MSH6: variants seen among roughly 807,000 people sequenced by gnomAD.
MSH6 encodes DNA mismatch repair protein Msh6.
A neutral mutation model predicts 119.1 loss-of-function variants in MSH6; 85 were observed. The ratio of observed to expected loss-of-function variants is 0.71; its 90% CI spans 0.60 to 0.85. MSH6 has a LOEUF of 0.85. Ranked by LOEUF, MSH6 falls within the 40% of genes least tolerant of loss-of-function variation. MSH6 has a pLI of 0.00. For synonymous variants in MSH6, 830 were observed against 586.9 expected, an observed-to-expected ratio of 1.41 and a Z score of -5.99; for missense variants, 2,163 against 1,655.3, an observed-to-expected ratio of 1.31 and a Z score of -5.32.
chr2:47,791,960 C>T (rs939534121), intron 2 of MSH6, among the ~76,000 whole-genome samples: 4 of 152,114 alleles, frequency 2.6e-5, no homozygotes, highest in Non-Finnish European at 4.4e-5. Flanking sequence ...GATTCTCCTT[C>T]CTCAGCCTCT....
In MSH6 at chr2:47,806,498, T is replaced by C. The variant is rs1180903149; in HGVS notation, c.3848T>C (p.Ile1283Thr). The C allele has an allele frequency of 6.2e-7, 1 of 1,614,098 alleles. No individual in the cohort carries two copies. The highest frequency in any genetic ancestry group is 8.5e-7 in the Non-Finnish European group (1 of 1,179,990). Reference sequence around the variant, plus strand: ...TGTGAAGACCCCAGCCAGGAGACTATTACGTTCCTCTATAAATTCATTAAG... The same window carrying C: ...TGTGAAGACCCCAGCCAGGAGACTACTACGTTCCTCTATAAATTCATTAAG... The part of the protein sequence containing the change: ...NECEDPSQET[I>T]TFLYKFIKGA... Residue 1283 changes from isoleucine (I) to threonine (T), a missense_variant, in exon 9 of 10, where the codon ATT becomes ACT. Ile to Thr is a moderately conservative substitution (Grantham distance 89). Transcript: ENST00000234420.
rs1466237949 is a variant in MSH6 at position 47,805,826 on chromosome 2, G to A, written c.3646+119G>A. 1.4e-5 allele frequency: 12 copies of A among 838,580 alleles called. No individual in the cohort carries two copies. In the East Asian group the frequency reaches 1.5e-4, roughly 11 times the overall value. 51.9% of individuals were successfully genotyped at this position (838,580 alleles called of 1,614,324 possible). ...AACAATATGAATGTTTTTAGAGCAC[G>A]CACTCACCATTGTGGCACAGACCGA... On this transcript the variant is annotated intron_variant, in intron 7 of 9. Coordinates refer to ENST00000234420, the MANE Select transcript of MSH6 (RefSeq NM_000179.3).
chr2:47,810,074 T>C (rs1161638272), downstream of MSH6: 6 of 503,106 alleles, frequency 1.2e-5, no homozygotes, highest in Admixed American at 1.1e-4. Context: ...GCATTTATTC[T>C]ATCCCAATAA....
chr2:47,806,100 A>G, intron 7 of MSH6, 104 bp from the exon 8 acceptor site: 1 of 1,090,196 alleles, frequency 9.2e-7, no homozygotes, highest in Non-Finnish European at 1.4e-6. Context: ...TTAGACGTGG[A>G]TGTACTAACC....
intron 1 of MSH6, among the ~76,000 whole-genome samples, chr2:47,787,392 G>A (rs1400611701): frequency 6.6e-6 from 1 of 152,168 alleles, no homozygotes; most frequent in African/African-American, 2.4e-5. Flanking sequence ...CAAAAATAAT[G>A]TGATTTTAAA....
Position 47,800,652 on chromosome 2 carries a change from T to C in MSH6, c.2669T>C (p.Val890Ala), listed in dbSNP as rs1114167741. The C allele has an allele frequency of 6.2e-7, 1 of 1,614,192 alleles. No individual in the cohort carries two copies. The highest frequency in any genetic ancestry group is 2.2e-5 in the East Asian group (1 of 44,886). ...DGFKSKILKQ[V>A]ISLQTKNPEG... ...TTTAAGTCTAAAATCCTTAAGCAGG[T>C]CATCTCTCTGCAGACAAAAAATCCT... Residue 890 changes from valine (V) to alanine (A), a missense_variant, in exon 4 of 10, where the codon GTC (valine) becomes GCC (alanine). By Grantham distance (64) the Val-to-Ala change is moderately conservative. Coordinates refer to ENST00000234420, the MANE Select transcript of MSH6 (RefSeq NM_000179.3).
intron 2 of MSH6, among the ~76,000 whole-genome samples, chr2:47,792,840 T>C (rs974895457): frequency 3.2e-4 from 47 of 146,066 alleles, no homozygotes; most frequent in African/African-American, 1.2e-3. Context: ...GGCTAATTTT[T>C]ATATAGTTTT....
chr2:47,805,019 T>A lies in MSH6; in HGVS notation c.3548T>A (p.Ile1183Lys), dbSNP rs1459635476. 6.2e-7 allele frequency: 1 copy of A among 1,610,064 alleles called. No homozygotes were observed. The highest frequency in any genetic ancestry group is 2.2e-5 in the East Asian group (1 of 44,874). Residue 1183 changes from isoleucine to lysine, a missense_variant, in exon 6 of 10, where the codon ATA becomes AAA. Ile to Lys is a moderately radical substitution (Grantham distance 102, BLOSUM62 -3). Transcript: ENST00000234420. ...ACTAGACTTGGTGCCTCAGACAGAA[T>A]AATGTCAGGTGAGTTTTTTGTTTCC... ...VFTRLGASDR[I>K]MSGESTFFVE...
intron 3 of MSH6, 81 bp downstream of exon 3, chr2:47,796,144 CTTGTTTTATA>C: frequency 7.1e-7 from 1 of 1,415,512 alleles, no homozygotes; most frequent in South Asian, 1.2e-5. Context: ...AACAAGATAC[CTTGTTTTATA>C]TATGTGTGTG....
At chr2:47,805,848 C>T (rs1275107250) in intron 7 of MSH6, 141 bp downstream of exon 7, 1 of 745,880 alleles carries the variant, frequency 1.3e-6, no homozygotes, top group African/African-American at 1.8e-5. Context: ...GTGGCACAGA[C>T]CGATAGTTGG....
In MSH6 at chr2:47,795,923, G is replaced by A. The variant is rs776065389; in HGVS notation, c.487G>A (p.Gly163Ser). The A allele has an allele frequency of 1.9e-6, 3 of 1,614,020 alleles. No individual in the cohort carries two copies. Among genetic ancestry groups the A allele is most frequent in the African/African-American group, 2.7e-5 (2 of 74,920 alleles). ...AAAATCAAAGGAAGCCCAGAAGGGA[G>A]GTCATTTTTACAGTGCAAAGCCTGA... ...GSKSKEAQKG[G>S]HFYSAKPEIL... Residue 163 changes from glycine (G) to serine (S), a missense_variant, in exon 3 of 10, where the codon GGT becomes AGT. By Grantham distance (56) the Gly-to-Ser change is moderately conservative. Coordinates refer to ENST00000234420, the MANE Select transcript of MSH6 (RefSeq NM_000179.3).
Position 47,783,210 on chromosome 2 carries a change from G to A in MSH6, c.-24G>A, listed in dbSNP as rs876661137. ...TTTTAGGAGCTCCGTCCGACAGAAC[G>A]GTTGGGCCTTGCCGGCTGTCGGTAT... On this transcript the variant is annotated 5_prime_UTR_variant, in exon 1 of 10. Coordinates refer to ENST00000234420, the MANE Select transcript of MSH6 (RefSeq NM_000179.3). 3.1e-6 allele frequency: 5 copies of A among 1,610,842 alleles called. No homozygotes were observed. In the African/African-American group the frequency reaches 5.4e-5, roughly 17 times the overall value.
chr2:47,805,242 A>G (rs559822485), intron 6 of MSH6, among the ~76,000 whole-genome samples: 10 of 150,354 alleles, frequency 6.7e-5, no homozygotes, highest in Non-Finnish European at 8.8e-5. Context: ...GTGCAATGGC[A>G]CGATCTTGGC....
Position 47,801,059 on chromosome 2 carries a change from G to C in MSH6, c.3076G>C (p.Asp1026His), listed in dbSNP as rs267608054. ...ANLINAEERR[D>H]VSLKDCMRRL... ...TCTCATAAATGCTGAAGAACGGAGG[G>C]ATGTATCATTGAAGGACTGCATGCG... Residue 1026 changes from aspartate to histidine, a missense_variant, in exon 4 of 10, where the codon GAT becomes CAT. Physicochemically the swap from Asp to His is moderately conservative, Grantham distance 81. Coordinates refer to ENST00000234420, the MANE Select transcript of MSH6 (RefSeq NM_000179.3). The C allele has an allele frequency of 6.2e-7, 1 of 1,605,916 alleles. No homozygotes were observed. The highest frequency in any genetic ancestry group is 8.5e-7 in the Non-Finnish European group (1 of 1,176,002).
chr2:47,804,790 A>C, intron 5 of MSH6, 120 bp from the exon 6 acceptor site: 1 of 794,984 alleles, frequency 1.3e-6, no homozygotes, highest in Non-Finnish European at 2.3e-6. Flanking sequence ...ACCAACGTAC[A>C]TGTGATTGTG....
chr2:47,804,891 T>C lies in MSH6; in HGVS notation c.3439-19T>C, dbSNP rs746797647. 6.3e-7 allele frequency: 1 copy of C among 1,590,064 alleles called. No individual in the cohort carries two copies. The highest frequency in any genetic ancestry group is 8.6e-7 in the Non-Finnish European group (1 of 1,157,990). ...TGTTACTACCAGTCATAAAAGACCTTTTCCTCCCTCATTCACAGGCTGGCT... is the reference window on the plus strand; with the variant it reads ...TGTTACTACCAGTCATAAAAGACCTCTTCCTCCCTCATTCACAGGCTGGCT... On this transcript the variant is annotated intron_variant, in intron 5 of 9. Transcript: ENST00000234420.
Position 47,803,534 on chromosome 2 carries a change from A to C in MSH6, c.3287A>C (p.His1096Pro), listed in dbSNP as rs760861610. The change falls in exon 5 of 10, where the codon CAT becomes CCT. Residue 1096 changes from histidine to proline, a missense_variant. Transcript: ENST00000234420. ...PPFLELKGSR[H>P]PCITKTFFGD... ...TTCTTAGAGCTTAAAGGATCACGCCATCCTTGCATTACGAAGACTTTTTTT... is the reference window on the plus strand; with the variant it reads ...TTCTTAGAGCTTAAAGGATCACGCCCTCCTTGCATTACGAAGACTTTTTTT... 1 of 1,614,134 alleles carries C rather than the reference A, an allele frequency of 6.2e-7. No individual in the cohort carries two copies. Among genetic ancestry groups the C allele is most frequent in the Admixed American group, 1.7e-5 (1 of 60,018 alleles).
Position 47,803,456 on chromosome 2 carries a change from G to A in MSH6, c.3209G>A (p.Gly1070Asp), listed in dbSNP as rs751475855. The A allele has an allele frequency of 1.2e-6, 2 of 1,614,146 alleles. No homozygotes were observed. The part of the protein sequence containing the change: ...LLCLANYSRG[G>D]DGPMCRPVIL... Reference sequence around the variant, plus strand: ...TGCCTGGCTAACTATAGTCGAGGGGGTGATGGTCCTATGTGTCGCCCAGTA... The same window carrying A: ...TGCCTGGCTAACTATAGTCGAGGGGATGATGGTCCTATGTGTCGCCCAGTA... Residue 1070 changes from glycine to aspartate, a missense_variant, in exon 5 of 10, where the codon GGT (glycine) becomes GAT (aspartate). Coordinates refer to ENST00000234420, the MANE Select transcript of MSH6 (RefSeq NM_000179.3).
chr2:47,789,872 G>A (rs1218283420), intron 1 of MSH6, among the ~76,000 whole-genome samples: 1 of 151,798 alleles, frequency 6.6e-6, no homozygotes, highest in Admixed American at 6.6e-5. Context: ...GCCCAGGCTG[G>A]AGTACAGTAC....
Sources: gnomAD v4.1 joint callset for allele counts (sites outside exome capture counted in the v4.1 genomes callset) on GRCh38, gnomAD v4.1.1 for gene constraint, MANE v1.5 for transcripts, NCBI Gene and HGNC (gene_info 2026-07-23, HGNC 2026-07-21) for gene names.